Variants in PCDHGA1 observed in about 807,000 individuals in gnomAD.
PCDHGA1 encodes protocadherin gamma-A1.
In PCDHGA1, 32 loss-of-function variants were observed where a neutral mutation model predicts 58.0. The ratio of observed to expected loss-of-function variants is 0.55; its 90% CI spans 0.42 to 0.74. The LOEUF is 0.74. Ranked by LOEUF, PCDHGA1 falls within the 30% of genes least tolerant of loss-of-function variation. PCDHGA1 has a pLI of 0.00. For missense variants in PCDHGA1, 1,205 were observed against 1,182.3 expected, an observed-to-expected ratio of 1.02 and a Z score of -0.28; for synonymous variants, 498 against 501.1, an observed-to-expected ratio of 0.99 and a Z score of 0.08.
chr5:141,388,378 A>G, intron 1 of PCDHGA1: 1 of 1,614,028 alleles, frequency 6.2e-7, no homozygotes, highest in Non-Finnish European at 8.5e-7. Context: ...ATTGGTAGCA[A>G]CACACTGCAG....
At chr5:141,418,149 AAG>A (rs768024698) in intron 1 of PCDHGA1, 1 of 1,613,982 alleles carries the variant, frequency 6.2e-7, no homozygotes, top group Non-Finnish European at 8.5e-7. Flanking sequence ...CAAATATGCA[AAG>A]AGAGAAGAAG....
chr5:141,393,776 C>T (rs752900835), intron 1 of PCDHGA1: 10 of 1,613,596 alleles, frequency 6.2e-6, no homozygotes, highest in South Asian at 5.5e-5. Context: ...AAATACAAGC[C>T]GAAGATGTGG....
At position 141,340,452 on chromosome 5, in the gene PCDHGA1, A is replaced by G; in HGVS notation, c.2421+7347A>G. The stretch of plus-strand genomic sequence containing the variant: ...CATGTAACTTACTCTTTCGCGGAGG[A>G]CACTGTTCAGGGGGCACCCTTATCC... On this transcript the variant is annotated intron_variant, in intron 1 of 3. Coordinates refer to ENST00000517417, the MANE Select transcript of PCDHGA1 (RefSeq NM_018912.3). The G allele has an allele frequency of 2.5e-6, 4 of 1,614,204 alleles. No individual in the cohort carries two copies. The South Asian group carries it at 3.3e-5, about 13-fold the overall frequency.
At chr5:141,353,075 G>A (rs544415302) in intron 1 of PCDHGA1, among the ~76,000 whole-genome samples, 44 of 152,198 alleles carry the variant, frequency 2.9e-4, no homozygotes, top group African/African-American at 1.1e-3. Context: ...TCTAGTGATG[G>A]TATCTACTGC....
intron 1 of PCDHGA1, chr5:141,419,647 G>A (rs370948584): frequency 1.0e-4 from 165 of 1,612,474 alleles, no homozygotes; most frequent in Non-Finnish European, 1.4e-4. Context: ...CCGTGGACGC[G>A]GACTCGGGGC....
intron 1 of PCDHGA1, chr5:141,372,625 G>T: frequency 6.2e-7 from 1 of 1,614,000 alleles, no homozygotes; most frequent in Non-Finnish European, 8.5e-7. Flanking sequence ...CCCACCTACA[G>T]CGAAAGGACT....
intron 1 of PCDHGA1, chr5:141,365,375 C>A (rs752434944): frequency 9.3e-6 from 15 of 1,613,942 alleles, no homozygotes; most frequent in Non-Finnish European, 1.3e-5. Flanking sequence ...CGAAGTGATC[C>A]TCACCTCTCT....
chr5:141,389,610 G>T (rs1488136363), intron 1 of PCDHGA1: 1 of 1,613,000 alleles, frequency 6.2e-7, no homozygotes, highest in Admixed American at 1.7e-5. Context: ...CTTCGATATG[G>T]TGCCGCACGC....
chr5:141,357,353 G>C (rs772395094), intron 1 of PCDHGA1: 11 of 1,614,124 alleles, frequency 6.8e-6, no homozygotes, highest in Non-Finnish European at 9.3e-6. Context: ...AAGCTGAGAC[G>C]CTGGCACAAG....
At position 141,408,680 on chromosome 5, in the gene PCDHGA1, C is replaced by G. The variant is rs774572788; in HGVS notation, c.2421+75575C>G. 1.5e-4 allele frequency: 245 copies of G among 1,613,812 alleles called. No homozygotes were observed. Among genetic ancestry groups the G allele is most frequent in the Non-Finnish European group, 1.9e-4 (222 of 1,179,872 alleles). On this transcript the variant is annotated intron_variant, in intron 1 of 3. Coordinates refer to ENST00000517417, the MANE Select transcript of PCDHGA1 (RefSeq NM_018912.3). ...ACTATCGCTTGACCCTGCCACGGAT[C>G]CTGATATAAACATAAACTCAATTAA...
chr5:141,395,542 T>TTGTTTGTGTGTG (rs1267535064), intron 1 of PCDHGA1: 12 of 168,716 alleles, frequency 7.1e-5, no homozygotes, highest in African/African-American at 6.9e-4. Flanking sequence ...TTGCTATTGT[T>TTGTTTGTGTGTG]TGTGTGTGTG....
intron 1 of PCDHGA1, among the ~76,000 whole-genome samples, chr5:141,369,547 A>G (rs1766330470): frequency 6.6e-6 from 1 of 152,196 alleles, no homozygotes; most frequent in Non-Finnish European, 1.5e-5. Context: ...TTAAAAGTAG[A>G]CACTTGGAAA....
At chr5:141,409,378 C>G (rs780715519) in intron 1 of PCDHGA1, 3 of 1,613,996 alleles carry the variant, frequency 1.9e-6, no homozygotes, top group Non-Finnish European at 2.5e-6. Context: ...ACATTCCATT[C>G]AAGATTTATT....
chr5:141,427,822 T>C (rs1446832816), intron 1 of PCDHGA1: 1 of 1,534,220 alleles, frequency 6.5e-7, no homozygotes, highest in Non-Finnish European at 8.9e-7. Flanking sequence ...GGGGTGGTGG[T>C]CGCGCAGCGT....
At chr5:141,379,009 A>T (rs1310996873) in intron 1 of PCDHGA1, 1 of 152,210 alleles carries the variant, frequency 6.6e-6, no homozygotes, top group Non-Finnish European at 1.5e-5. Flanking sequence ...ATTTTTCTCC[A>T]GTCATGAGTT....
At chr5:141,345,990 C>A in intron 1 of PCDHGA1, 9 of 1,613,408 alleles carry the variant, frequency 5.6e-6, no homozygotes, top group Non-Finnish European at 7.6e-6. Flanking sequence ...CGGCCAGCCC[C>A]CTCTCTCCGC....
rs1329158220 is a variant in PCDHGA1, at chr5:141,413,339, A to G, written c.2421+80234A>G. On this transcript the variant is annotated intron_variant, in intron 1 of 3. Coordinates refer to ENST00000517417, the MANE Select transcript of PCDHGA1 (RefSeq NM_018912.3). Reference sequence around the variant, plus strand: ...TCTTTCGTGGGCAACATCTCCAAGGACTTGGGTCTGGCGCCCCGGGAGCTG... The same window carrying G: ...TCTTTCGTGGGCAACATCTCCAAGGGCTTGGGTCTGGCGCCCCGGGAGCTG... The G allele has an allele frequency of 1.3e-5, 21 of 1,613,832 alleles. No individual in the cohort carries two copies. Among genetic ancestry groups the G allele is most frequent in the African/African-American group, 2.7e-5 (2 of 74,940 alleles).
At chr5:141,345,231 C>T (rs1452734533) in intron 1 of PCDHGA1, 10 of 1,613,816 alleles carry the variant, frequency 6.2e-6, no homozygotes, top group Middle Eastern at 3.3e-4. Context: ...ATCAATAGAT[C>T]AATATTACCG....
intron 1 of PCDHGA1, chr5:141,371,710 CTCT>C: frequency 6.2e-7 from 1 of 1,614,076 alleles, no homozygotes; most frequent in Non-Finnish European, 8.5e-7. Flanking sequence ...AAGACCATCA[CTCT>C]GCACATCCTT....
Sources: allele counts gnomAD v4.1 joint callset (sites outside exome capture counted in the v4.1 genomes callset), GRCh38; gene constraint gnomAD v4.1.1; transcripts MANE v1.5; gene names NCBI Gene and HGNC (gene_info 2026-07-23, HGNC 2026-07-21).